CIROZ: variants seen among roughly 807,000 people sequenced by gnomAD.
CIROZ encodes ciliated left-right organizer ZP-N domains-containing protein.
the CIROZ span, among the ~76,000 whole-genome samples, chr1:10,953,433 GCATCCTAGCATGAAGGCATACACCA>G: frequency 2.6e-4 from 40 of 152,270 alleles, no homozygotes; most frequent in Middle Eastern, 3.4e-3. Context: ...CCCCATCCCA[GCATCCTAGCATGAAGGCATACACCA>G]CGTTTAGAAG....
At chr1:10,976,008 C>T in the CIROZ span, 3 of 644,348 alleles carry the variant, frequency 4.7e-6, no homozygotes, top group Admixed American at 2.7e-5. Context: ...GGGAGAATGA[C>T]AGCCTGAAAT....
At chr1:10,960,441 G>A in the CIROZ span, among the ~76,000 whole-genome samples, 2 of 152,076 alleles carry the variant, frequency 1.3e-5, no homozygotes, top group Admixed American at 1.3e-4. The surrounding 1 kb of genome is among the most constrained non-coding windows in gnomAD (Gnocchi z 4.6). Flanking sequence ...GGGAAGACGT[G>A]ACAAGTACGC....
At chr1:10,949,316 G>A in the CIROZ span, 2 of 443,178 alleles carry the variant, frequency 4.5e-6, no homozygotes, top group Non-Finnish European at 8.2e-6. Context: ...CCATTTGTGT[G>A]CATAGCTGCT....
chr1:10,968,728 T>G, the CIROZ span, among the ~76,000 whole-genome samples: 6 of 152,192 alleles, frequency 3.9e-5, no homozygotes, highest in African/African-American at 1.2e-4. Context: ...AAATGAAAAC[T>G]CTTCCTCAAA....
the CIROZ span, among the ~76,000 whole-genome samples, chr1:10,953,082 A>G: frequency 6.6e-6 from 1 of 152,102 alleles, no homozygotes; most frequent in Non-Finnish European, 1.5e-5. Flanking sequence ...CTCACCCCCA[A>G]TCCCGCCTTT....
the CIROZ span, among the ~76,000 whole-genome samples, chr1:10,956,601 G>T: frequency 6.6e-6 from 1 of 151,366 alleles, no homozygotes; most frequent in African/African-American, 2.4e-5. Flanking sequence ...TCAGCCTCCT[G>T]AGTAGCTAGG....
chr1:10,963,475 C>T, the CIROZ span, among the ~76,000 whole-genome samples: 7 of 152,100 alleles, frequency 4.6e-5, no homozygotes, highest in African/African-American at 1.7e-4. Flanking sequence ...CTCCTCAGTC[C>T]AGCACGCTCA....
the CIROZ span, among the ~76,000 whole-genome samples, chr1:10,952,918 A>C: frequency 6.6e-6 from 1 of 152,244 alleles, no homozygotes; most frequent in African/African-American, 2.4e-5. Flanking sequence ...GGGGCCTCAT[A>C]AATCGCAACT....
At chr1:10,947,606 T>G in the CIROZ span, 2 of 1,343,310 alleles carry the variant, frequency 1.5e-6, no homozygotes, top group Non-Finnish European at 2.0e-6. Context: ...CTCCCACCCT[T>G]TGCACTCTAC....
chr1:10,952,758 C>T, the CIROZ span, among the ~76,000 whole-genome samples: 1 of 152,196 alleles, frequency 6.6e-6, no homozygotes, highest in South Asian at 2.1e-4. Flanking sequence ...GTGATCCTCC[C>T]ACCTTGGCCT....
the CIROZ span, among the ~76,000 whole-genome samples, chr1:10,962,340 G>A: frequency 1.3e-5 from 2 of 151,960 alleles, no homozygotes; most frequent in African/African-American, 2.4e-5. Flanking sequence ...CCAGCTACTC[G>A]TGAGGCTGAG....
chr1:10,948,878 A>C, the CIROZ span: 1 of 1,469,206 alleles, frequency 6.8e-7, no homozygotes, highest in Non-Finnish European at 9.0e-7. Context: ...GAGAAAAAGC[A>C]TTAGAAACAA....
chr1:10,948,723 C>G, the CIROZ span: 1 of 1,558,788 alleles, frequency 6.4e-7, no homozygotes. Context: ...TCCAGGGATC[C>G]CTGCTTCCCC....
At chr1:10,962,434 G>A in the CIROZ span, among the ~76,000 whole-genome samples, 5,619 of 152,198 alleles carry the variant, frequency 0.037, 341 homozygotes, top group African/African-American at 0.13. Flanking sequence ...GTGACAGAAC[G>A]AGACTGCATC....
chr1:10,972,871 G>A, the CIROZ span, among the ~76,000 whole-genome samples: 9 of 151,344 alleles, frequency 5.9e-5, no homozygotes, highest in Non-Finnish European at 8.8e-5. Flanking sequence ...AGGATCACTC[G>A]AGTCTAGGAG....
At chr1:10,952,078 G>A in the CIROZ span, among the ~76,000 whole-genome samples, 9 of 152,068 alleles carry the variant, frequency 5.9e-5, no homozygotes, top group Non-Finnish European at 7.3e-5. Context: ...AGGGCAAGGC[G>A]GCAAGATAAG....
At chr1:10,961,734 A>G in the CIROZ span, among the ~76,000 whole-genome samples, 1 of 152,168 alleles carries the variant, frequency 6.6e-6, no homozygotes, top group Admixed American at 6.5e-5. Context: ...GGTTGAGGTC[A>G]GGAGTTCGAG....
the CIROZ span, among the ~76,000 whole-genome samples, chr1:10,967,162 A>G: frequency 2.1e-5 from 3 of 140,778 alleles, no homozygotes; most frequent in East Asian, 3.9e-4. Context: ...AAAGAAAAAA[A>G]AAAAAAAAAA....
the CIROZ span, among the ~76,000 whole-genome samples, chr1:10,961,518 C>A: frequency 6.6e-6 from 1 of 152,202 alleles, no homozygotes; most frequent in Non-Finnish European, 1.5e-5. Flanking sequence ...CTTCCCACCA[C>A]AGCACACTCA....
Sources: gnomAD v4.1 joint callset for allele counts (sites outside exome capture counted in the v4.1 genomes callset) on GRCh38, gnomAD v4.1.1 for gene constraint, Gnocchi (gnomAD v3.1) non-coding constraint, MANE v1.5 for transcripts, NCBI Gene and HGNC (gene_info 2026-07-23, HGNC 2026-07-21) for gene names.